Variants in ADGRG2 observed in about 807,000 individuals in gnomAD.
ADGRG2 encodes G protein-coupled receptor 64.
A neutral mutation model predicts 74.1 loss-of-function variants in ADGRG2; 26 were observed. The observed-to-expected ratio is 0.35, with a 90% CI of 0.26 to 0.49. The LOEUF is 0.49. ADGRG2 is among the 20% of genes least tolerant of loss of function. The probability of loss-of-function intolerance (pLI) is 0.99; values close to 1 mark genes in which losing one functional copy is unlikely to be tolerated. For missense variants in ADGRG2, 619 were observed against 763.1 expected, an observed-to-expected ratio of 0.81 and a Z score of 2.22; for synonymous variants, 296 against 295.2, an observed-to-expected ratio of 1.00 and a Z score of -0.03.
At chrX:19,019,955 T>C (rs910910901) in intron 14 of ADGRG2, among the ~76,000 whole-genome samples, 1 of 111,509 alleles carries the variant, frequency 9.0e-6, no homozygotes, top group Non-Finnish European at 1.9e-5. Flanking sequence ...TTGGAGGACA[T>C]GATGTTAAGT....
intron 2 of ADGRG2, among the ~76,000 whole-genome samples, chrX:19,070,477 C>G (rs1256680232): frequency 9.0e-6 from 1 of 111,525 alleles, no homozygotes; most frequent in Non-Finnish European, 1.9e-5. Flanking sequence ...CTGATCCTCT[C>G]ATGTCTGGGA....
intron 3 of ADGRG2, among the ~76,000 whole-genome samples, 181 bp downstream of exon 3, chrX:19,068,536 T>C (rs2061601904): frequency 9.0e-6 from 1 of 111,469 alleles, no homozygotes; most frequent in Admixed American, 9.5e-5. Flanking sequence ...TAGAAATGGA[T>C]AGCAGTGACA....
At chrX:19,011,945 C>G (rs918421407) in intron 16 of ADGRG2, among the ~76,000 whole-genome samples, 1 of 112,285 alleles carries the variant, frequency 8.9e-6, no homozygotes, top group Non-Finnish European at 1.9e-5. Flanking sequence ...TAACAACAGA[C>G]AACTCTTAAT....
chrX:19,020,246 T>C (rs1356475972), intron 14 of ADGRG2, among the ~76,000 whole-genome samples: 1 of 111,971 alleles, frequency 8.9e-6, no homozygotes, highest in Non-Finnish European at 1.9e-5. Context: ...CAAAAAATGA[T>C]AGGTATGTGA....
intron 16 of ADGRG2, among the ~76,000 whole-genome samples, chrX:19,011,468 G>A (rs1242948828): frequency 8.9e-6 from 1 of 112,186 alleles, no homozygotes; most frequent in African/African-American, 3.2e-5. Flanking sequence ...ACTCATATAA[G>A]CACAAGTATA....
chrX:19,114,090 G>GA (rs2062467074), intron 1 of ADGRG2, among the ~76,000 whole-genome samples: 1 of 95,423 alleles, frequency 1.0e-5, no homozygotes, highest in African/African-American at 4.0e-5. Context: ...AAAAAAAAAA[G>GA]TAAAAAAAAA....
At chrX:19,045,749 G>A (rs2061173396) in intron 3 of ADGRG2, among the ~76,000 whole-genome samples, 1 of 111,105 alleles carries the variant, frequency 9.0e-6, no homozygotes, top group Non-Finnish European at 1.9e-5. Flanking sequence ...TAATTGGAAG[G>A]AATCCTAACA....
intron 1 of ADGRG2, among the ~76,000 whole-genome samples, chrX:19,085,499 G>T (rs370792253): frequency 7.2e-5 from 8 of 110,509 alleles, no homozygotes; most frequent in African/African-American, 2.6e-4. Flanking sequence ...CGGCTAATTT[G>T]TTAGTTTTTT....
chrX:19,064,306 A>G (rs762697523), intron 3 of ADGRG2, among the ~76,000 whole-genome samples: 16 of 112,711 alleles, frequency 1.4e-4, no homozygotes, highest in Non-Finnish European at 2.4e-4. Flanking sequence ...GCCATATGTG[A>G]GTGCCCTATA....
chrX:19,060,542 C>CT (rs58196298), intron 3 of ADGRG2, among the ~76,000 whole-genome samples: 8,801 of 87,019 alleles, frequency 0.1, 478 homozygotes, highest in Non-Finnish European at 0.14. Context: ...GGCAGGTATT[C>CT]TTTTTTTTTT....
intron 28 of ADGRG2, among the ~76,000 whole-genome samples, chrX:18,993,971 G>C (rs983082855): frequency 8.9e-6 from 1 of 112,128 alleles, no homozygotes; most frequent in Admixed American, 9.5e-5. Context: ...TCTTATGAAA[G>C]AAAGAAAATG....
intron 1 of ADGRG2, among the ~76,000 whole-genome samples, chrX:19,107,803 A>AAAAAATT (rs1460836659): frequency 3.6e-5 from 4 of 110,269 alleles, no homozygotes; most frequent in African/African-American, 1.3e-4. Context: ...AATTATTAGA[A>AAAAAATT]AAAAATTAAA....
chrX:19,091,524 AC>A (rs2062017102), intron 1 of ADGRG2, among the ~76,000 whole-genome samples: 1 of 110,363 alleles, frequency 9.1e-6, no homozygotes. Context: ...ACACACACAC[AC>A]ACACACACAC....
intron 1 of ADGRG2, among the ~76,000 whole-genome samples, chrX:19,114,445 A>G (rs1204218517): frequency 4.5e-5 from 5 of 111,634 alleles, no homozygotes; most frequent in Admixed American, 9.5e-5. Context: ...AGACCTGGAC[A>G]TCGGTATTGA....
At chrX:19,007,122 G>C in intron 20 of ADGRG2, 113 bp downstream of exon 20, 2 of 745,453 alleles carry the variant, frequency 2.7e-6, no homozygotes, top group Non-Finnish European at 4.1e-6. Context: ...AACTACTCCA[G>C]CTGAGCTGAA....
chrX:19,088,097 C>G (rs145557596), intron 1 of ADGRG2, among the ~76,000 whole-genome samples: 255 of 112,230 alleles, frequency 2.3e-3, no homozygotes, highest in Non-Finnish European at 3.7e-3. Context: ...CTAAGGCATT[C>G]CAAAACAGGA....
chrX:19,069,697 C>A (rs921822843), intron 2 of ADGRG2, among the ~76,000 whole-genome samples: 1 of 111,142 alleles, frequency 9.0e-6, no homozygotes, highest in African/African-American at 3.3e-5. Context: ...CTTGACAGTG[C>A]GACTTCGGAG....
chrX:19,101,035 T>C (rs1393895068), intron 1 of ADGRG2, among the ~76,000 whole-genome samples: 1 of 111,629 alleles, frequency 9.0e-6, no homozygotes, highest in Non-Finnish European at 1.9e-5. Context: ...AAAGGAATTA[T>C]TGGTTGGATT....
intron 1 of ADGRG2, among the ~76,000 whole-genome samples, chrX:19,096,856 C>T (rs965753024): frequency 3.6e-5 from 4 of 112,651 alleles, no homozygotes; most frequent in African/African-American, 6.4e-5. Context: ...ATGAGTCAGT[C>T]AGTACAGGGA....
Sources: gnomAD v4.1 joint callset for allele counts (sites outside exome capture counted in the v4.1 genomes callset) on GRCh38, gnomAD v4.1.1 for gene constraint, MANE v1.5 for transcripts, NCBI Gene and HGNC (gene_info 2026-07-23, HGNC 2026-07-21) for gene names.